The following SAMD11 variants were observed in gnomAD, a reference collection of about 807,000 sequenced individuals.
SAMD11 encodes the protein sterile alpha motif domain-containing protein 11.
In SAMD11, 77 loss-of-function variants were observed where a neutral mutation model predicts 64.4. The ratio of observed to expected loss-of-function variants is 1.20; its 90% CI spans 0.99 to 1.44. The LOEUF (loss-of-function observed/expected upper bound fraction) is 1.44, where lower values mean the gene tolerates loss of function less well. Ranked by LOEUF, SAMD11 falls within the 40% of genes most tolerant of loss-of-function variation. The pLI, the probability that SAMD11 is intolerant of heterozygous loss-of-function variation, is 0.00. For synonymous variants in SAMD11, 658 were observed against 421.9 expected (o/e 1.56, Z -6.86); for missense variants, 1,402 against 943.3 (o/e 1.49, Z -6.37).
chr1:939,008 G>T (rs1641604475), intron 5 of SAMD11, 32 bp from the exon 6 acceptor site: 3 of 1,552,122 alleles, frequency 1.9e-6, no homozygotes, highest in Non-Finnish European at 2.6e-6. Context: ...CATTCCTTGA[G>T]ATGCAGGTGG....
At chr1:926,073 C>CGGTTTTCAG (rs760467937) in intron 2 of SAMD11, 60 bp downstream of exon 2, 2 of 1,526,116 alleles carry the variant, frequency 1.3e-6, no homozygotes, top group Non-Finnish European at 1.8e-6. Flanking sequence ...CTTGTCCCTG[C>CGGTTTTCAG]GGTTTTCAGG....
Position 942,406 on chromosome 1 carries a change from C to T in SAMD11, c.1475-4C>T. On this transcript the variant is annotated splice_region_variant and splice_polypyrimidine_tract_variant and intron_variant, in intron 9 of 13. Transcript: ENST00000616016. ...CGACCCCGCGTTGTCCCCCTCCCCA[C>T]CAGGCTACGGCTTCCTGCCCCCCGC... The T allele has an allele frequency of 2.7e-6, 4 of 1,470,884 alleles. No homozygotes were observed. The highest frequency in any genetic ancestry group is 3.6e-6 in the Non-Finnish European group (4 of 1,116,274). The allele number at this position is 1,470,884 out of a possible 1,614,324, so 91.1% of individuals were successfully genotyped here.
At chr1:943,146 CCT>C in intron 11 of SAMD11, 88 bp downstream of exon 11, 1 of 1,581,198 alleles carries the variant, frequency 6.3e-7, no homozygotes, top group Non-Finnish European at 8.6e-7. Context: ...GAAAAATTCC[CCT>C]TAGGCACCCA....
intron 7 of SAMD11, among the ~76,000 whole-genome samples, chr1:939,954 C>A (rs1294679745): frequency 6.6e-6 from 1 of 152,106 alleles, no homozygotes; most frequent in Non-Finnish European, 1.5e-5. Flanking sequence ...CCTGTCCACC[C>A]CACCTCAGGA....
intron 4 of SAMD11, among the ~76,000 whole-genome samples, chr1:935,542 C>G (rs1641387226): frequency 6.6e-6 from 1 of 152,202 alleles, no homozygotes; most frequent in Admixed American, 6.5e-5. Flanking sequence ...CCTGGAGCAG[C>G]CGTGGGGTCC....
intron 7 of SAMD11, chr1:940,298 C>CCCCCCGCCGCGCCGCCG (rs1553159943): frequency 2.0e-4 from 2 of 9,786 alleles, no homozygotes; most frequent in African/African-American, 6.8e-4. Context: ...GCGCCGCCGC[C>CCCCCCGCCGCGCCGCCG]CCCCCCCCCC....
At chr1:939,501 C>T in intron 7 of SAMD11, 89 bp downstream of exon 7, 1 of 1,584,550 alleles carries the variant, frequency 6.3e-7, no homozygotes, top group Non-Finnish European at 8.6e-7. Context: ...CATCACCTCC[C>T]CAGCCACATG....
chr1:926,638 C>T (rs897538308), intron 2 of SAMD11, among the ~76,000 whole-genome samples: 2 of 152,134 alleles, frequency 1.3e-5, no homozygotes, highest in Admixed American at 6.5e-5. Context: ...CTATGGACAC[C>T]CTCACTGAGG....
rs576599288 is a variant in SAMD11 at position 924,862 on chromosome 1, G to A, written c.431G>A (p.Arg144His). ...AGCAAGGGCCCGTCCATCCGCCACCGCGGCGAGTGGCTCACGCCCAACGAG... is the reference window on the plus strand; with the variant it reads ...AGCAAGGGCCCGTCCATCCGCCACCACGGCGAGTGGCTCACGCCCAACGAG... ...QGSKGPSIRHRGEWLTPNEFQ... is the reference protein window; with the variant it reads ...QGSKGPSIRHHGEWLTPNEFQ... The change falls in exon 1 of 14, where the codon CGC becomes CAC. Residue 144 changes from arginine to histidine, a missense_variant. Arg to His is a conservative substitution (Grantham distance 29, BLOSUM62 0). Transcript: ENST00000616016. 20 of 152,264 alleles carry A rather than the reference G, an allele frequency of 1.3e-4. No homozygotes were observed. Among genetic ancestry groups the A allele is most frequent in the Admixed American group, 1.3e-3 (20 of 15,290 alleles). 9.4% of individuals were successfully genotyped at this position (152,264 alleles called of 1,614,324 possible). A position where few individuals can be genotyped will look rare whatever the true frequency, so the allele number is the denominator to read the frequency against.
Position 943,919 on chromosome 1 carries a change from C to T in SAMD11, c.2301C>T (p.Arg767=). The change falls in exon 14 of 14, where the codon CGC becomes CGT. Residue 767 remains arginine (R), a synonymous_variant. Coordinates refer to ENST00000616016, the MANE Select transcript of SAMD11 (RefSeq NM_001385641.1). Reference sequence around the variant, plus strand: ...CCATCTCTCTGCAGGTGGCCAGGCGCCTGGGCCGAGTTTTCTACGTGGCCA... The same window carrying T: ...CCATCTCTCTGCAGGTGGCCAGGCGTCTGGGCCGAGTTTTCTACGTGGCCA... ...ALKIRAQVAR[R]LGRVFYVASF... is the part of the protein sequence containing the mutation. The T allele has an allele frequency of 6.2e-7, 1 of 1,612,760 alleles. No homozygotes were observed. Among genetic ancestry groups the T allele is most frequent in the African/African-American group, 1.3e-5 (1 of 75,048 alleles).
intron 1 of SAMD11, 81 bp from the exon 2 acceptor site, chr1:925,841 G>T: frequency 1.0e-6 from 1 of 986,448 alleles, no homozygotes; most frequent in South Asian, 1.3e-5. Flanking sequence ...CACGAGCCGG[G>T]GAGGGGGTAC....
At position 939,321 on chromosome 1, in the gene SAMD11, G is replaced by A. The variant is rs1356462367; in HGVS notation, c.1104G>A (p.Glu368=). 1.2e-6 allele frequency: 2 copies of A among 1,611,802 alleles called. No individual in the cohort carries two copies. Among genetic ancestry groups the A allele is most frequent in the Non-Finnish European group, 1.7e-6 (2 of 1,179,594 alleles). ...AGCTGGGGCCCAGCATGGCCCCGGA[G>A]GACCATTACCGCCGGCTTGTGTCAG... ...PRELGPSMAP[E]DHYRRLVSAL... is the part of the protein sequence containing the mutation. The change falls in exon 7 of 14, where the codon GAG becomes GAA. Residue 368 remains glutamate (E), a synonymous_variant. Transcript: ENST00000616016.
chr1:939,412 G>T lies in SAMD11; in HGVS notation c.1195G>T (p.Asp399Tyr). The T allele has an allele frequency of 6.9e-7, 1 of 1,441,872 alleles. No individual in the cohort carries two copies. The highest frequency in any genetic ancestry group is 1.4e-5 in the African/African-American group (1 of 72,634). The allele number at this position is 1,441,872 out of a possible 1,614,324, so 89.3% of individuals were successfully genotyped here. The change falls in exon 7 of 14, where the codon GAT (aspartate) becomes TAT (tyrosine). Residue 399 changes from aspartate (D) to tyrosine (Y), a missense_variant and splice_region_variant. Physicochemically the swap from Asp to Tyr is radical, Grantham distance 160. Coordinates refer to ENST00000616016, the MANE Select transcript of SAMD11 (RefSeq NM_001385641.1). ...CTACCACCTGGGCCTCCCCAGCCAC[G>T]GTGAGGACCCACCCTGGCATGATCC... ...RLYHLGLPSH[D>Y]LLRVRQEVAA...
At chr1:931,911 G>A (rs145907597) in intron 4 of SAMD11, among the ~76,000 whole-genome samples, 1 of 152,202 alleles carries the variant, frequency 6.6e-6, no homozygotes, top group Non-Finnish European at 1.5e-5. Flanking sequence ...TGTGGATTCT[G>A]TCAATGGGGT....
At chr1:939,775 A>G (rs1033381053) in intron 7 of SAMD11, among the ~76,000 whole-genome samples, 3 of 109,712 alleles carry the variant, frequency 2.7e-5, no homozygotes, top group African/African-American at 5.2e-5. Context: ...TGAGTCGTCT[A>G]TGCAGCCAGT....
Position 944,331 on chromosome 1 carries a change from AGAG to A in SAMD11, c.*179_*181del. 7.2e-7 allele frequency: 1 copy of A among 1,384,822 alleles called. No homozygotes were observed. Among genetic ancestry groups the A allele is most frequent in the African/African-American group, 1.5e-5 (1 of 68,022 alleles). The allele number at this position is 1,384,822 out of a possible 1,614,324, so 85.8% of individuals were successfully genotyped here. The stretch of plus-strand genomic sequence containing the variant: ...TTCAAAGACTTGGGGGAGTGAAGGC[AGAG>A]CCTGGTGCAGATGGACGAGGTCTGC... On this transcript the variant is annotated 3_prime_UTR_variant, in exon 14 of 14. Coordinates refer to ENST00000616016, the MANE Select transcript of SAMD11 (RefSeq NM_001385641.1).
At chr1:931,796 G>A (rs548275976) in intron 4 of SAMD11, among the ~76,000 whole-genome samples, 7 of 152,374 alleles carry the variant, frequency 4.6e-5, no homozygotes, top group African/African-American at 1.7e-4. Flanking sequence ...GATGTGGAAA[G>A]GAGATAAAAA....
intron 7 of SAMD11, 142 bp from the exon 8 acceptor site, chr1:941,002 C>A: frequency 1.5e-6 from 1 of 669,188 alleles, no homozygotes; most frequent in Non-Finnish European, 2.5e-6. Context: ...ATCCTCCTGC[C>A]CCGTGCCCGA....
chr1:940,870 G>A (rs1459421419), intron 7 of SAMD11, among the ~76,000 whole-genome samples: 1 of 152,104 alleles, frequency 6.6e-6, no homozygotes, highest in Non-Finnish European at 1.5e-5. Flanking sequence ...CCCCCTCCCC[G>A]CAAGGCTCAG....
Sources: gnomAD v4.1 joint callset for allele counts (sites outside exome capture counted in the v4.1 genomes callset) on GRCh38, gnomAD v4.1.1 for gene constraint, MANE v1.5 for transcripts, NCBI Gene and HGNC (gene_info 2026-07-23, HGNC 2026-07-21) for gene names.